TMEM132C: variants seen among roughly 807,000 people sequenced by gnomAD.
The protein encoded by TMEM132C is transmembrane protein 132C.
A neutral mutation model predicts 61.4 loss-of-function variants in TMEM132C; 29 were observed. The ratio of observed to expected loss-of-function variants is 0.47; its 90% CI spans 0.35 to 0.64. The LOEUF (loss-of-function observed/expected upper bound fraction) is 0.64. Among genes scored for constraint, TMEM132C ranks in the 30% least tolerant of loss-of-function variants. The pLI, the probability that TMEM132C is intolerant of heterozygous loss-of-function variation, is 0.00. For synonymous variants in TMEM132C, 656 were observed against 633.1 expected (o/e 1.04, Z -0.54); for missense variants, 1,408 against 1,476.9 (o/e 0.95, Z 0.76).
At chr12:128,645,707 T>A (rs931757353) in intron 4 of TMEM132C, among the ~76,000 whole-genome samples, 3 of 152,240 alleles carry the variant, frequency 2.0e-5, no homozygotes, top group Non-Finnish European at 4.4e-5. Flanking sequence ...GGGCCCCCTT[T>A]GGGCTCAGTC....
intron 1 of TMEM132C, among the ~76,000 whole-genome samples, chr12:128,323,750 G>A (rs554503042): frequency 1.3e-5 from 2 of 152,312 alleles, no homozygotes; most frequent in Middle Eastern, 6.8e-3. Context: ...GGAGGGAGCC[G>A]GGAAGCAGCT....
At chr12:128,656,923 C>T (rs1954331091) in intron 4 of TMEM132C, among the ~76,000 whole-genome samples, 1 of 152,178 alleles carries the variant, frequency 6.6e-6, no homozygotes, top group African/African-American at 2.4e-5. Flanking sequence ...ATTTTCCTAG[C>T]CCCTGCCTTT....
chr12:128,464,810 A>G (rs902533592), intron 2 of TMEM132C, among the ~76,000 whole-genome samples: 4 of 120,952 alleles, frequency 3.3e-5, no homozygotes, highest in Admixed American at 8.9e-5. Context: ...GGGAGGGAGG[A>G]AGGAAGAAAA....
rs535803735 is a variant in TMEM132C at position 128,296,804 on chromosome 12, C to G, written c.85+29317C>G. On this transcript the variant is annotated intron_variant, in intron 1 of 8. Transcript: ENST00000435159. ...AAATTGATGCATTTCTTTAATTTAG[C>G]AAAACTATTTTTAAAACATCAGGGT... 5.3e-5 allele frequency among the ~76,000 whole-genome samples: 8 copies of G among 152,212 alleles called. No homozygotes were observed. The South Asian group carries it at 1.7e-3, about 32-fold the overall frequency.
intron 5 of TMEM132C, among the ~76,000 whole-genome samples, chr12:128,690,981 T>A (rs1340645420): frequency 6.6e-6 from 1 of 152,044 alleles, no homozygotes; most frequent in African/African-American, 2.4e-5. Context: ...ATTATAAGAG[T>A]TCTTTATTCA....
intron 1 of TMEM132C, among the ~76,000 whole-genome samples, chr12:128,275,667 A>G (rs958975280): frequency 6.6e-6 from 1 of 152,098 alleles, no homozygotes; most frequent in Non-Finnish European, 1.5e-5. Context: ...CTTTTGCCAA[A>G]AAGGTTGGGG....
chr12:128,567,461 C>T (rs1364870717), intron 3 of TMEM132C, among the ~76,000 whole-genome samples: 1 of 149,170 alleles, frequency 6.7e-6, no homozygotes, highest in African/African-American at 2.6e-5. Context: ...CACACACACA[C>T]ACACACACAC....
chr12:128,415,644 A>C lies in TMEM132C; in HGVS notation c.974+24A>C. 6.7e-7 allele frequency: 1 copy of C among 1,494,278 alleles called. No homozygotes were observed. Among genetic ancestry groups the C allele is most frequent in the Non-Finnish European group, 9.0e-7 (1 of 1,115,512 alleles). The allele number at this position is 1,494,278 out of a possible 1,614,324, so 92.6% of individuals were successfully genotyped here. A position where few individuals can be genotyped will look rare whatever the true frequency, so the allele number is the denominator to read the frequency against. On this transcript the variant is annotated intron_variant, in intron 2 of 8. Transcript: ENST00000435159. This position sits in a 1 kb window ranked among gnomAD's most constrained non-coding sequence, Gnocchi z 5.8. Reference sequence around the variant, plus strand: ...AGGTAGGTGCCCATGCTTGCCCCTGATCATCTTTGGCATGCCTGGTGTGAG... The same window carrying C: ...AGGTAGGTGCCCATGCTTGCCCCTGCTCATCTTTGGCATGCCTGGTGTGAG...
Position 128,415,355 on chromosome 12 carries a change from G to T in TMEM132C, c.709G>T (p.Glu237Ter). 2 of 1,568,678 alleles carry T rather than the reference G, an allele frequency of 1.3e-6. No homozygotes were observed. The highest frequency in any genetic ancestry group is 1.7e-6 in the Non-Finnish European group (2 of 1,155,414). The change falls in exon 2 of 9, where the codon GAG (glutamate) becomes TAG (stop). Residue 237 changes from glutamate (E) to a stop codon, truncating the protein, a stop_gained. Coordinates refer to ENST00000435159, the MANE Select transcript of TMEM132C (RefSeq NM_001136103.3). LOFTEE classifies it high-confidence loss of function. The surrounding 1 kb of genome is among the most constrained non-coding windows in gnomAD (Gnocchi z 5.8). Reference sequence around the variant, plus strand: ...CTACTACACCGTGCACCCAGGAAACGAGCGAGGGGACTGTGCCGGGGGTGA... The same window carrying T: ...CTACTACACCGTGCACCCAGGAAACTAGCGAGGGGACTGTGCCGGGGGTGA... Reference protein sequence around the residue: ...ELYYTVHPGNERGDCAGGDFR... With the variant: ...ELYYTVHPGN
chr12:128,589,700 C>T (rs1385052072), intron 3 of TMEM132C, among the ~76,000 whole-genome samples: 2 of 152,178 alleles, frequency 1.3e-5, no homozygotes, highest in African/African-American at 4.8e-5. Context: ...TTTCCAGGGC[C>T]TGTAGCACCT....
At chr12:128,449,377 T>G (rs934836955) in intron 2 of TMEM132C, among the ~76,000 whole-genome samples, 2 of 152,168 alleles carry the variant, frequency 1.3e-5, no homozygotes, top group Admixed American at 6.5e-5. Context: ...GAGGCGTTTT[T>G]GTTTACAGTG....
intron 2 of TMEM132C, among the ~76,000 whole-genome samples, chr12:128,474,061 T>C (rs76025629): frequency 0.058 from 8,828 of 152,238 alleles, 855 homozygotes; most frequent in African/African-American, 0.2. Context: ...CATGGATGAA[T>C]CATCCTGTTG....
intron 3 of TMEM132C, among the ~76,000 whole-genome samples, chr12:128,567,964 T>G (rs759995287): frequency 6.6e-6 from 1 of 152,102 alleles, no homozygotes; most frequent in Admixed American, 6.5e-5. Context: ...GAGATAGAGA[T>G]GAAAGGACCC....
chr12:128,445,394 C>G (rs367640145), intron 2 of TMEM132C, among the ~76,000 whole-genome samples: 2 of 152,164 alleles, frequency 1.3e-5, no homozygotes, highest in East Asian at 3.9e-4. Context: ...CTTGCTGCTG[C>G]TCTTGTTGTC....
chr12:128,473,363 C>CTTCCATCTTTATCTTCACTCCAGT (rs2136083215), intron 2 of TMEM132C, among the ~76,000 whole-genome samples: 1 of 72,084 alleles, frequency 1.4e-5, no homozygotes, highest in African/African-American at 5.3e-5. Context: ...TTCACTCCAG[C>CTTCCATCTTTATCTTCACTCCAGT]CTCTATCTTC....
intron 2 of TMEM132C, among the ~76,000 whole-genome samples, chr12:128,420,049 A>G (rs1868935006): frequency 6.6e-6 from 1 of 151,580 alleles, no homozygotes; most frequent in Admixed American, 6.6e-5. Context: ...AAAAAAAAAT[A>G]GCTGGGCATG....
intron 1 of TMEM132C, among the ~76,000 whole-genome samples, chr12:128,383,351 C>T (rs765110634): frequency 6.6e-6 from 1 of 152,170 alleles, no homozygotes; most frequent in African/African-American, 2.4e-5. Flanking sequence ...GCCCGTTGGC[C>T]AATTCACTTC....
chr12:128,392,066 C>CTCTG (rs1874784520), intron 1 of TMEM132C, among the ~76,000 whole-genome samples: 2 of 35,216 alleles, frequency 5.7e-5, no homozygotes, highest in Non-Finnish European at 1.4e-4. Flanking sequence ...CTCTCTCTTT[C>CTCTG]TCTCTCTCTC....
intron 1 of TMEM132C, among the ~76,000 whole-genome samples, chr12:128,285,494 C>T (rs1008761585): frequency 1.3e-5 from 2 of 152,126 alleles, no homozygotes; most frequent in African/African-American, 4.8e-5. Context: ...CTCTTAAACA[C>T]AAGTAACAGG....
Sources: allele counts gnomAD v4.1 joint callset (sites outside exome capture counted in the v4.1 genomes callset), GRCh38; gene constraint gnomAD v4.1.1; non-coding constraint Gnocchi (gnomAD v3.1); transcripts MANE v1.5; gene names NCBI Gene and HGNC (gene_info 2026-07-23, HGNC 2026-07-21).